Variants in CHCHD6 observed in about 807,000 individuals in gnomAD.
The protein encoded by CHCHD6 is MICOS complex subunit MIC25.
Under a neutral mutation model 32.3 loss-of-function variants are expected in CHCHD6, and 28 were observed. That is an observed-to-expected ratio of 0.87 (90% confidence interval 0.64 to 1.19). CHCHD6 has a LOEUF of 1.19. CHCHD6 is among the 50% of genes most tolerant of loss of function. CHCHD6 has a pLI of 0.00. For synonymous variants in CHCHD6, 122 were observed against 117.5 expected, an observed-to-expected ratio of 1.04 and a Z score of -0.25; for missense variants, 333 against 307.0, an observed-to-expected ratio of 1.08 and a Z score of -0.63.
chr3:126,760,378 G>A (rs1472040328), intron 4 of CHCHD6, among the ~76,000 whole-genome samples: 1 of 152,128 alleles, frequency 6.6e-6, no homozygotes, highest in African/African-American at 2.4e-5. Context: ...TCATTTTTAA[G>A]TATACAATTC....
At chr3:126,903,335 A>C (rs569519372) in intron 5 of CHCHD6, among the ~76,000 whole-genome samples, 1 of 152,304 alleles carries the variant, frequency 6.6e-6, no homozygotes, top group East Asian at 1.9e-4. Flanking sequence ...TCCTCAGGGC[A>C]TAACGTTGTC....
intron 6 of CHCHD6, among the ~76,000 whole-genome samples, chr3:126,954,065 T>G (rs766842590): frequency 6.6e-6 from 1 of 152,224 alleles, no homozygotes; most frequent in Non-Finnish European, 1.5e-5. Context: ...TCTCCCTGTC[T>G]TATCCCATTC....
chr3:126,943,157 G>A (rs989112935), intron 6 of CHCHD6, among the ~76,000 whole-genome samples: 1 of 152,038 alleles, frequency 6.6e-6, no homozygotes, highest in Non-Finnish European at 1.5e-5. Context: ...GGACCCCACC[G>A]GCTGCCTTAG....
chr3:126,931,156 G>T (rs115329445), intron 6 of CHCHD6, among the ~76,000 whole-genome samples: 2 of 152,204 alleles, frequency 1.3e-5, no homozygotes, highest in African/African-American at 4.8e-5. Context: ...TCACTGCCCA[G>T]CACCCAAAGC....
intron 5 of CHCHD6, among the ~76,000 whole-genome samples, chr3:126,906,922 A>G (rs1327125757): frequency 6.6e-6 from 1 of 152,182 alleles, no homozygotes; most frequent in Non-Finnish European, 1.5e-5. Flanking sequence ...CAGACGCTGG[A>G]ACAAAGAACC....
At chr3:126,958,639 C>T (rs901157111) in intron 7 of CHCHD6, among the ~76,000 whole-genome samples, 1 of 152,350 alleles carries the variant, frequency 6.6e-6, no homozygotes, top group African/African-American at 2.4e-5. Context: ...CGTCCAGCAC[C>T]GACTGTCCCT....
chr3:126,821,261 A>C (rs1181692557), intron 4 of CHCHD6, among the ~76,000 whole-genome samples: 1 of 152,244 alleles, frequency 6.6e-6, no homozygotes, highest in Non-Finnish European at 1.5e-5. Flanking sequence ...AAGAACATTT[A>C]AAATGAGTTT....
At chr3:126,742,492 C>T (rs1273524057) in intron 4 of CHCHD6, among the ~76,000 whole-genome samples, 2 of 152,118 alleles carry the variant, frequency 1.3e-5, no homozygotes, top group Non-Finnish European at 2.9e-5. Flanking sequence ...ATATTTGTCC[C>T]CTTCAAAACT....
intron 5 of CHCHD6, among the ~76,000 whole-genome samples, chr3:126,904,509 C>G (rs2077977718): frequency 2.6e-5 from 4 of 152,234 alleles, no homozygotes; most frequent in Admixed American, 2.6e-4. Flanking sequence ...CTAATTAACA[C>G]AGCTATACGC....
At chr3:126,944,929 T>G (rs1047763047) in intron 6 of CHCHD6, among the ~76,000 whole-genome samples, 2 of 152,188 alleles carry the variant, frequency 1.3e-5, no homozygotes, top group African/African-American at 4.8e-5. Flanking sequence ...CTCTAGGCCT[T>G]GTGGCTGTGG....
At chr3:126,804,239 CA>C (rs1011358929) in intron 4 of CHCHD6, among the ~76,000 whole-genome samples, 2 of 151,632 alleles carry the variant, frequency 1.3e-5, no homozygotes, top group Admixed American at 6.6e-5. Context: ...GAAATAGAGA[CA>C]AAAAAACCCT....
chr3:126,858,308 G>C (rs954116387), intron 5 of CHCHD6, among the ~76,000 whole-genome samples: 7 of 148,240 alleles, frequency 4.7e-5, no homozygotes, highest in African/African-American at 1.7e-4. Context: ...GGGCGGGGGC[G>C]GGGGGGAGGG....
intron 6 of CHCHD6, among the ~76,000 whole-genome samples, chr3:126,954,443 G>T (rs985532235): frequency 6.6e-6 from 1 of 152,230 alleles, no homozygotes; most frequent in East Asian, 1.9e-4. Flanking sequence ...AGAGGGCAGG[G>T]CTCAGCAGGT....
chr3:126,763,245 T>C (rs1227956336), intron 4 of CHCHD6, among the ~76,000 whole-genome samples: 1 of 151,624 alleles, frequency 6.6e-6, no homozygotes, highest in Non-Finnish European at 1.5e-5. Flanking sequence ...CTTTCCTTTT[T>C]CCCTCTCCTT....
intron 4 of CHCHD6, among the ~76,000 whole-genome samples, chr3:126,769,761 C>T (rs907436681): frequency 3.3e-5 from 5 of 152,190 alleles, no homozygotes; most frequent in African/African-American, 4.8e-5. Flanking sequence ...CCAGCTTGGC[C>T]TCCCAAAGTG....
At chr3:126,771,760 ATG>A (rs1230791287) in intron 4 of CHCHD6, among the ~76,000 whole-genome samples, 1 of 152,010 alleles carries the variant, frequency 6.6e-6, no homozygotes, top group Non-Finnish European at 1.5e-5. Flanking sequence ...TAAGTTTTTG[ATG>A]TGGGTATCTA....
chr3:126,782,577 G>A (rs191225403), intron 4 of CHCHD6, among the ~76,000 whole-genome samples: 1 of 152,362 alleles, frequency 6.6e-6, no homozygotes, highest in East Asian at 1.9e-4. Flanking sequence ...CAGAAGCAAA[G>A]GGAAAGTTGA....
chr3:126,808,188 G>A (rs922278038), intron 4 of CHCHD6, among the ~76,000 whole-genome samples: 14 of 152,282 alleles, frequency 9.2e-5, no homozygotes, highest in African/African-American at 3.4e-4. Flanking sequence ...TTCCTTGTGG[G>A]CTGTTGGATT....
intron 4 of CHCHD6, among the ~76,000 whole-genome samples, chr3:126,831,862 G>A (rs924219477): frequency 1.3e-5 from 2 of 152,232 alleles, no homozygotes; most frequent in African/African-American, 4.8e-5. Context: ...TCTCAGGTGA[G>A]CAGTGAGCAT....
Sources: allele counts gnomAD v4.1 joint callset (sites outside exome capture counted in the v4.1 genomes callset), GRCh38; gene constraint gnomAD v4.1.1; transcripts MANE v1.5; gene names NCBI Gene and HGNC (gene_info 2026-07-23, HGNC 2026-07-21).